Variants in MEIOSIN observed in about 807,000 individuals in gnomAD.
MEIOSIN encodes meiosis initiator protein.
MEIOSIN carries 18 observed loss-of-function variants against 23.4 expected under a neutral mutation model. That is an observed-to-expected ratio of 0.77 (90% CI 0.53 to 1.14). The LOEUF is 1.14. Ranked by LOEUF, MEIOSIN falls within the 50% of genes most tolerant of loss-of-function variation. The probability of loss-of-function intolerance (pLI) is 0.00; values close to 1 mark genes in which losing one functional copy is unlikely to be tolerated. For synonymous variants in MEIOSIN, 187 were observed against 100.6 expected, an observed-to-expected ratio of 1.86 and a Z score of -5.14; for missense variants, 428 against 242.9, an observed-to-expected ratio of 1.76 and a Z score of -5.07.
At chr19:45,751,043 C>T (rs191268738) in intron 5 of MEIOSIN, among the ~76,000 whole-genome samples, 1 of 151,918 alleles carries the variant, frequency 6.6e-6, no homozygotes, top group African/African-American at 2.4e-5. Context: ...GAGGCCGAGG[C>T]GGGCGGATCG....
chr19:45,749,033 C>T (rs1968642929), intron 4 of MEIOSIN, among the ~76,000 whole-genome samples: 1 of 150,188 alleles, frequency 6.7e-6, no homozygotes, highest in Non-Finnish European at 1.5e-5. Flanking sequence ...CGTACCACTG[C>T]ACTTCAGACT....
rs188152533 is a variant in MEIOSIN at position 45,761,731 on chromosome 19, G to A, written c.1298G>A (p.Arg433Gln). The change falls in exon 12 of 15, where the codon CGG becomes CAG. Residue 433 changes from arginine (R) to glutamine (Q), a missense_variant. Arg to Gln is a conservative substitution (Grantham distance 43, BLOSUM62 1). Coordinates refer to ENST00000457052, the MANE Select transcript of MEIOSIN (RefSeq NM_001310124.2). ...KDPPESHSLH[R>Q]SSVSLDHCYL... ...CCTCCTGAGTCCCACAGCCTGCACC[G>A]GTCCTCAGTCTCGCTGGACCACTGC... 1.3e-3 allele frequency: 894 copies of A among 702,722 alleles called. 9 individuals carry two copies. In the African/African-American group the frequency reaches 0.013, roughly 11 times the overall value. 43.5% of individuals were successfully genotyped at this position (702,722 alleles called of 1,614,324 possible). A position where few individuals can be genotyped will look rare whatever the true frequency, so the allele number is the denominator to read the frequency against.
At chr19:45,739,875 T>C in intron 3 of MEIOSIN, 145 bp downstream of exon 3, 1 of 607,166 alleles carries the variant, frequency 1.6e-6, no homozygotes. Flanking sequence ...GAGACAGAGC[T>C]TTGCTCTTGT....
At chr19:45,744,255 A>T (rs1169349893) in intron 3 of MEIOSIN, among the ~76,000 whole-genome samples, 1 of 151,770 alleles carries the variant, frequency 6.6e-6, no homozygotes, top group African/African-American at 2.4e-5. Context: ...CCTGACCTCA[A>T]GTGATCAGCC....
intron 13 of MEIOSIN, among the ~76,000 whole-genome samples, chr19:45,762,503 C>G (rs1390455791): frequency 6.6e-6 from 1 of 152,226 alleles, no homozygotes; most frequent in Admixed American, 6.5e-5. Flanking sequence ...TCACAGCTCA[C>G]TGCAATGTCT....
intron 7 of MEIOSIN, 34 bp from the exon 8 acceptor site, chr19:45,755,936 T>C (rs1968817233): frequency 1.4e-6 from 1 of 695,176 alleles, no homozygotes; most frequent in African/African-American, 1.7e-5. Context: ...TTTGGTCCAG[T>C]CCCCAGGCAT....
chr19:45,734,863 T>G (rs1968384095), intron 1 of MEIOSIN, among the ~76,000 whole-genome samples: 1 of 151,782 alleles, frequency 6.6e-6, no homozygotes, highest in African/African-American at 2.4e-5. Context: ...AAGTATTAGT[T>G]TTAGTGCCTT....
intron 10 of MEIOSIN, 52 bp from the exon 11 acceptor site, chr19:45,759,362 G>A: frequency 1.7e-5 from 12 of 701,464 alleles, no homozygotes; most frequent in South Asian, 1.2e-4. Flanking sequence ...GAAGCTGGGC[G>A]GTGTGGGAGA....
At chr19:45,742,471 CGTT>C (rs2146177865) in intron 3 of MEIOSIN, among the ~76,000 whole-genome samples, 1 of 152,046 alleles carries the variant, frequency 6.6e-6, no homozygotes, top group Admixed American at 6.6e-5. Flanking sequence ...CAGAGCAACT[CGTT>C]GTCTCTTTAA....
chr19:45,747,267 G>A (rs536801650), intron 4 of MEIOSIN, among the ~76,000 whole-genome samples: 17 of 152,222 alleles, frequency 1.1e-4, no homozygotes, highest in Admixed American at 6.5e-4. Context: ...CCCGCATCCC[G>A]GGGCCGTGGG....
chr19:45,760,772 T>C (rs1968921596), intron 11 of MEIOSIN, among the ~76,000 whole-genome samples: 1 of 151,256 alleles, frequency 6.6e-6, no homozygotes, highest in African/African-American at 2.4e-5. Context: ...CTACTAAAAA[T>C]ACAAAATTAG....
intron 3 of MEIOSIN, 134 bp downstream of exon 3, chr19:45,739,864 T>G (rs1168165303): frequency 4.9e-6 from 3 of 611,040 alleles, no homozygotes; most frequent in Non-Finnish European, 8.8e-6. Flanking sequence ...TTTTTTTTTT[T>G]GAGACAGAGC....
intron 6 of MEIOSIN, among the ~76,000 whole-genome samples, chr19:45,754,119 G>A (rs1968769552): frequency 6.6e-6 from 1 of 152,010 alleles, no homozygotes; most frequent in African/African-American, 2.4e-5. Flanking sequence ...TGGGATTACA[G>A]GCATGTGCCA....
chr19:45,734,969 G>A (rs1380270314), intron 1 of MEIOSIN, among the ~76,000 whole-genome samples: 3 of 151,724 alleles, frequency 2.0e-5, no homozygotes, highest in African/African-American at 7.2e-5. Flanking sequence ...TCCTGGCTCA[G>A]TGCAACCTCC....
At chr19:45,743,187 A>G (rs1231139933) in intron 3 of MEIOSIN, among the ~76,000 whole-genome samples, 1 of 152,150 alleles carries the variant, frequency 6.6e-6, no homozygotes, top group Non-Finnish European at 1.5e-5. Flanking sequence ...GTTTACCCAG[A>G]AGGTTCACCC....
intron 11 of MEIOSIN, among the ~76,000 whole-genome samples, chr19:45,759,931 A>T (rs1286553414): frequency 6.6e-6 from 1 of 151,822 alleles, no homozygotes; most frequent in East Asian, 2.0e-4. Flanking sequence ...CCCCCCTAGT[A>T]GCTGGGATTA....
intron 1 of MEIOSIN, among the ~76,000 whole-genome samples, chr19:45,734,188 T>C (rs1968371418): frequency 6.6e-6 from 1 of 152,128 alleles, no homozygotes; most frequent in Admixed American, 6.6e-5. Flanking sequence ...TTTTAGGGCC[T>C]GGAGTGCCCA....
chr19:45,734,379 C>A (rs548740559), intron 1 of MEIOSIN, among the ~76,000 whole-genome samples: 2 of 152,074 alleles, frequency 1.3e-5, no homozygotes, highest in African/African-American at 4.8e-5. Flanking sequence ...GATATAGGTT[C>A]ATAGTGTTAC....
intron 9 of MEIOSIN, among the ~76,000 whole-genome samples, chr19:45,757,846 T>C (rs1044591618): frequency 1.3e-5 from 2 of 151,744 alleles, no homozygotes; most frequent in Non-Finnish European, 1.5e-5. Context: ...TTTTGTTTTT[T>C]CTTTTGAGAC....
Sources: gnomAD v4.1 joint callset for allele counts (sites outside exome capture counted in the v4.1 genomes callset) on GRCh38, gnomAD v4.1.1 for gene constraint, MANE v1.5 for transcripts, NCBI Gene and HGNC (gene_info 2026-07-23, HGNC 2026-07-21) for gene names.